The following VKORC1L1 variants were observed in gnomAD, a reference collection of about 807,000 sequenced individuals.
VKORC1L1 encodes the protein vitamin K epoxide reductase complex subunit 1-like protein 1.
VKORC1L1 carries 2 observed loss-of-function variants against 18.9 expected under a neutral mutation model. The ratio of observed to expected loss-of-function variants is 0.11; its 90% CI spans 0.04 to 0.33. The LOEUF (loss-of-function observed/expected upper bound fraction) is 0.33. Among genes scored for constraint, VKORC1L1 ranks in the 10% least tolerant of loss-of-function variants. The probability of loss-of-function intolerance (pLI) is 1.00; values close to 1 mark genes in which losing one functional copy is unlikely to be tolerated. For synonymous variants in VKORC1L1, 96 were observed against 100.0 expected (o/e 0.96, Z 0.24); for missense variants, 123 against 224.1 (o/e 0.55, Z 2.88).
intron 1 of VKORC1L1, among the ~76,000 whole-genome samples, chr7:65,913,583 G>A (rs1376125433): frequency 4.0e-5 from 6 of 151,686 alleles, no homozygotes; most frequent in African/African-American, 7.3e-5. Flanking sequence ...AAAATTAGCC[G>A]GGTGTGGTGG....
chr7:65,947,421 T>TG (rs1035798537), intron 1 of VKORC1L1, among the ~76,000 whole-genome samples: 4 of 152,008 alleles, frequency 2.6e-5, no homozygotes, highest in Non-Finnish European at 5.9e-5. Flanking sequence ...CTGGTTTTTT[T>TG]TTTTTTTTTT....
chr7:65,876,932 G>C (rs1462883723), intron 1 of VKORC1L1, among the ~76,000 whole-genome samples: 1 of 152,152 alleles, frequency 6.6e-6, no homozygotes. Flanking sequence ...TGTATTTCCA[G>C]CTTCTTGGGA....
chr7:65,928,642 T>C (rs1004355088), intron 1 of VKORC1L1, among the ~76,000 whole-genome samples: 3 of 152,234 alleles, frequency 2.0e-5, no homozygotes, highest in Non-Finnish European at 4.4e-5. Context: ...CATTCACCCA[T>C]TGAAGGACAA....
intron 1 of VKORC1L1, among the ~76,000 whole-genome samples, chr7:65,877,324 T>A (rs1788846280): frequency 6.6e-6 from 1 of 152,124 alleles, no homozygotes. Flanking sequence ...TTTGAAGTTG[T>A]GCAAGAGAAA....
chr7:65,873,269 C>CGGCGGA lies in VKORC1L1; in HGVS notation c.-97_-92dup, dbSNP rs1475392386. 7.1e-6 allele frequency: 7 copies of CGGCGGA among 985,782 alleles called. No individual in the cohort carries two copies. The highest frequency in any genetic ancestry group is 8.4e-6 in the Non-Finnish European group (7 of 831,764). 61.1% of individuals were successfully genotyped at this position (985,782 alleles called of 1,614,324 possible). On this transcript the variant is annotated 5_prime_UTR_variant, in exon 1 of 3. Coordinates refer to ENST00000360768, the MANE Select transcript of VKORC1L1 (RefSeq NM_173517.6). Reference sequence around the variant, plus strand: ...GCGGCGGCGGCGGTGGTGGCGGCGGCGGCGGAGGCGGCGGTGGCGGCGGTG... The same window carrying CGGCGGA: ...GCGGCGGCGGCGGTGGTGGCGGCGGCGGCGGAGGCGGAGGCGGCGGTGGCGGCGGTG...
chr7:65,869,357 A>G (rs200271103), upstream of VKORC1L1, among the ~76,000 whole-genome samples: 23 of 152,250 alleles, frequency 1.5e-4, no homozygotes, highest in East Asian at 4.1e-3. Context: ...AAAAAAGCAC[A>G]CGGGATGGCA....
chr7:65,907,195 C>T (rs1789420227), intron 1 of VKORC1L1, among the ~76,000 whole-genome samples: 1 of 152,144 alleles, frequency 6.6e-6, no homozygotes, highest in African/African-American at 2.4e-5. Flanking sequence ...ATCCCAAGCA[C>T]TTTGGGAGGC....
intron 1 of VKORC1L1, among the ~76,000 whole-genome samples, chr7:65,947,187 TAAA>T (rs759660332): frequency 6.6e-6 from 1 of 152,076 alleles, no homozygotes; most frequent in Non-Finnish European, 1.5e-5. Flanking sequence ...AATTCTACAA[TAAA>T]AATCTTCATG....
At chr7:65,886,816 C>T (rs367637878) in intron 1 of VKORC1L1, among the ~76,000 whole-genome samples, 8 of 134,968 alleles carry the variant, frequency 5.9e-5, no homozygotes, top group African/African-American at 2.2e-4. Context: ...GGATTACAGG[C>T]GTGAGCCACT....
chr7:65,949,827 G>A (rs536644289), intron 2 of VKORC1L1, among the ~76,000 whole-genome samples: 5 of 152,254 alleles, frequency 3.3e-5, no homozygotes, highest in East Asian at 3.9e-4. Flanking sequence ...ACATAGTGTC[G>A]TTTATCCTAA....
intron 1 of VKORC1L1, among the ~76,000 whole-genome samples, chr7:65,874,034 C>T (rs1034724353): frequency 8.5e-5 from 13 of 152,146 alleles, no homozygotes; most frequent in African/African-American, 2.9e-4. Flanking sequence ...GGCTTTGGGG[C>T]CGGCGCGGAG....
chr7:65,902,505 A>G (rs997443089), intron 1 of VKORC1L1, among the ~76,000 whole-genome samples: 1 of 152,244 alleles, frequency 6.6e-6, no homozygotes, highest in Non-Finnish European at 1.5e-5. Context: ...AACAAGGACA[A>G]TTGTTAGAGA....
chr7:65,869,419 GA>G, upstream of VKORC1L1, among the ~76,000 whole-genome samples: 1 of 152,280 alleles, frequency 6.6e-6, no homozygotes, highest in East Asian at 1.9e-4. Context: ...AGGGCAAGTA[GA>G]AAAGTATGTC....
chr7:65,884,740 A>G (rs771566597), intron 1 of VKORC1L1, among the ~76,000 whole-genome samples: 1 of 152,172 alleles, frequency 6.6e-6, no homozygotes, highest in East Asian at 1.9e-4. Context: ...GGGCATTCTC[A>G]TTTTTTAGAT....
intron 1 of VKORC1L1, among the ~76,000 whole-genome samples, chr7:65,942,430 T>C (rs572238521): frequency 1.0e-4 from 15 of 143,006 alleles, no homozygotes; most frequent in Middle Eastern, 4.0e-3. Context: ...AGGCGGAGCT[T>C]GCAGTGAGCC....
At chr7:65,931,493 G>C (rs1022001859) in intron 1 of VKORC1L1, among the ~76,000 whole-genome samples, 96 of 152,144 alleles carry the variant, frequency 6.3e-4, no homozygotes, top group African/African-American at 2.2e-3. Context: ...TCAAATTTAT[G>C]GGCATAGAGT....
intron 1 of VKORC1L1, among the ~76,000 whole-genome samples, chr7:65,900,274 C>G (rs796208980): frequency 2.0e-5 from 3 of 151,556 alleles, no homozygotes; most frequent in African/African-American, 7.3e-5. Flanking sequence ...CCTGTAGTCT[C>G]AGCTACTCGG....
chr7:65,886,592 C>T (rs915955187), intron 1 of VKORC1L1, among the ~76,000 whole-genome samples: 5 of 151,928 alleles, frequency 3.3e-5, no homozygotes, highest in Admixed American at 1.3e-4. Context: ...GGCTGGAGTG[C>T]AGTGGTGCAA....
chr7:65,942,052 A>T (rs1790043718), intron 1 of VKORC1L1, among the ~76,000 whole-genome samples: 6 of 152,198 alleles, frequency 3.9e-5, no homozygotes, highest in Non-Finnish European at 7.3e-5. Context: ...TTTATGATGT[A>T]TAATGATGCT....
Sources: gnomAD v4.1 joint callset for allele counts (sites outside exome capture counted in the v4.1 genomes callset) on GRCh38, gnomAD v4.1.1 for gene constraint, MANE v1.5 for transcripts, NCBI Gene and HGNC (gene_info 2026-07-23, HGNC 2026-07-21) for gene names.